Variants in PKHD1L1 observed in about 807,000 individuals in gnomAD.
The protein encoded by PKHD1L1 is fibrocystin-L.
Under a neutral mutation model 462.9 loss-of-function variants are expected in PKHD1L1, and 434 were observed. The ratio of observed to expected loss-of-function variants is 0.94; its 90% confidence interval spans 0.87 to 1.02. The LOEUF is 1.02. PKHD1L1 is among the 50% of genes least tolerant of loss of function. The pLI is 0.00. For synonymous variants in PKHD1L1, 1,781 were observed against 1,750.0 expected (o/e 1.02, Z -0.44); for missense variants, 5,202 against 5,096.1 (o/e 1.02, Z -0.63).
chr8:109,471,054 C>G, intron 50 of PKHD1L1: 1 of 1,587,840 alleles, frequency 6.3e-7, no homozygotes. Flanking sequence ...ACACCTTCTG[C>G]GATGAAATCT....
chr8:109,443,969 C>T, intron 37 of PKHD1L1, 67 bp downstream of exon 37: 5 of 1,340,478 alleles, frequency 3.7e-6, no homozygotes, highest in African/African-American at 1.5e-5. Flanking sequence ...TTGACGATAA[C>T]CTTGTTATTT....
rs1314670625 is a variant in PKHD1L1, at chr8:109,493,689, A to G, written c.10265A>G (p.Gln3422Arg). The G allele has an allele frequency of 1.9e-6, 3 of 1,608,812 alleles. No individual in the cohort carries two copies. The highest frequency in any genetic ancestry group is 1.7e-4 in the Middle Eastern group (1 of 6,044). The change falls in exon 63 of 78, where the codon CAG (glutamine) becomes CGG (arginine). Residue 3422 changes from glutamine to arginine, a missense_variant. By Grantham distance (43) the Gln-to-Arg change is conservative. Around this residue, in one of 3 missense-constraint regions of PKHD1L1, gnomAD observed 4,497 missense variants for 4,336.8 expected, o/e 1.04. Transcript: ENST00000378402. ...EINRGTNTVLQNNVVAGFGRA... is the reference protein window; with the variant it reads ...EINRGTNTVLRNNVVAGFGRA... The stretch of plus-strand genomic sequence containing the variant: ...AATAGAGGGACCAATACAGTTTTAC[A>G]GAATAATGTAGTGGCTGGATTTGGA...
intron 12 of PKHD1L1, among the ~76,000 whole-genome samples, chr8:109,399,677 C>A (rs1371439929): frequency 6.6e-6 from 1 of 151,992 alleles, no homozygotes; most frequent in African/African-American, 2.4e-5. Flanking sequence ...ATAGTCAAGG[C>A]AAAGGTTTTG....
intron 21 of PKHD1L1, among the ~76,000 whole-genome samples, chr8:109,418,219 G>T (rs986935367): frequency 1.3e-5 from 2 of 151,928 alleles, no homozygotes; most frequent in African/African-American, 4.8e-5. Context: ...ACAGTTCTAC[G>T]CTGAGGCCCT....
rs1406004405 is a variant in PKHD1L1 at position 109,435,367 on chromosome 8, AG to A, written c.3505+14del. On this transcript the variant is annotated intron_variant, in intron 29 of 77. Transcript: ENST00000378402. ...GGAAGCATAGCAGGTAATGGTTAAT[AG>A]TTTAAACAGAGAGAAAATTGCATGC... The A allele has an allele frequency of 1.9e-6, 3 of 1,599,896 alleles. No individual in the cohort carries two copies. The highest frequency in any genetic ancestry group is 2.6e-6 in the Non-Finnish European group (3 of 1,169,880).
At chr8:109,388,469 A>AT (rs66889268) in intron 6 of PKHD1L1, 28 bp from the exon 7 acceptor site, 474,725 of 1,448,848 alleles carry the variant, frequency 0.33, 81,066 homozygotes, top group Admixed American at 0.49. Context: ...ACATAACTTG[A>AT]TTTTTTCTAA....
In PKHD1L1 at chr8:109,530,562, C is replaced by T. The variant is rs184561104; in HGVS notation, c.*472C>T. Among the ~76,000 whole-genome samples the T allele has an allele frequency of 5.3e-5, 8 of 152,038 alleles. No homozygotes were observed. The highest frequency in any genetic ancestry group is 4.2e-4 in the South Asian group (2 of 4,812). ...CTAGTTTCTAAGGATTTTGGAGAGA[C>T]GAGATTGTCTTCACACAATCTGAGA... On this transcript the variant is annotated 3_prime_UTR_variant, in exon 78 of 78. Coordinates refer to ENST00000378402, the MANE Select transcript of PKHD1L1 (RefSeq NM_177531.6).
chr8:109,472,147 T>C (rs1351177929), intron 50 of PKHD1L1, among the ~76,000 whole-genome samples: 2 of 152,150 alleles, frequency 1.3e-5, no homozygotes, highest in Non-Finnish European at 2.9e-5. Context: ...CATCATATTG[T>C]AGTTTAAAAG....
In PKHD1L1 at chr8:109,440,796, T is replaced by C; in HGVS notation, c.4043T>C (p.Ile1348Thr). 1 of 1,613,172 alleles carries C rather than the reference T, an allele frequency of 6.2e-7. No homozygotes were observed. The highest frequency in any genetic ancestry group is 8.5e-7 in the Non-Finnish European group (1 of 1,179,344). Residue 1348 changes from isoleucine to threonine, a missense_variant, in exon 33 of 78, where the codon ATC becomes ACC. Coordinates refer to ENST00000378402, the MANE Select transcript of PKHD1L1 (RefSeq NM_177531.6). ...GGCTCCTTGTTTGGTGGAACTGAAATCACCATAAGGGGTTTTGGATTCAGC... is the reference window on the plus strand; with the variant it reads ...GGCTCCTTGTTTGGTGGAACTGAAACCACCATAAGGGGTTTTGGATTCAGC... ...QRGSLFGGTE[I>T]TIRGFGFSTI...
At chr8:109,517,920 T>C (rs1190016725) in intron 72 of PKHD1L1, among the ~76,000 whole-genome samples, 2 of 152,180 alleles carry the variant, frequency 1.3e-5, no homozygotes, top group African/African-American at 2.4e-5. Context: ...ACTGTGTCTA[T>C]ATAGCTAATT....
intron 73 of PKHD1L1, among the ~76,000 whole-genome samples, chr8:109,519,844 C>T (rs951108572): frequency 6.6e-6 from 1 of 152,078 alleles, no homozygotes. Context: ...ACTGCAGCCC[C>T]ACTAGGTTGG....
chr8:109,405,687 G>A (rs893004215), intron 16 of PKHD1L1, among the ~76,000 whole-genome samples: 8 of 151,870 alleles, frequency 5.3e-5, no homozygotes, highest in African/African-American at 1.9e-4. Context: ...GGGCCTGTTG[G>A]GGGGTGGGGT....
At chr8:109,375,364 G>C (rs527852554) in intron 2 of PKHD1L1, among the ~76,000 whole-genome samples, 1 of 152,178 alleles carries the variant, frequency 6.6e-6, no homozygotes, top group Non-Finnish European at 1.5e-5. Flanking sequence ...GGTCCTTTAA[G>C]GACTTCTCTG....
At chr8:109,411,287 C>A (rs182431244) in intron 19 of PKHD1L1, among the ~76,000 whole-genome samples, 66 of 152,080 alleles carry the variant, frequency 4.3e-4, no homozygotes, top group Admixed American at 9.2e-4. Flanking sequence ...CTTCAGGAAG[C>A]CAGCTATTTG....
In PKHD1L1 at chr8:109,510,860, T is replaced by G; in HGVS notation, c.11479T>G (p.Ser3827Ala). The change falls in exon 71 of 78, where the codon TCT (serine) becomes GCT (alanine). Residue 3827 changes from serine (S) to alanine (A), a missense_variant. This residue lies in a region of PKHD1L1 where 698 missense variants were observed against 736.3 expected (regional missense o/e 0.95). Coordinates refer to ENST00000378402, the MANE Select transcript of PKHD1L1 (RefSeq NM_177531.6). ...TCACAGCATTGTGGCTCTGAACAAA[T>G]CTTATGAAGTTTACTTCACTGGCAC... ...LFHSIVALNK[S>A]YEVYFTGTSP... 1.2e-6 allele frequency: 2 copies of G among 1,613,358 alleles called. No homozygotes were observed. Among genetic ancestry groups the G allele is most frequent in the Non-Finnish European group, 1.7e-6 (2 of 1,179,502 alleles).
intron 14 of PKHD1L1, among the ~76,000 whole-genome samples, chr8:109,402,261 G>A (rs992082441): frequency 6.6e-6 from 1 of 152,172 alleles, no homozygotes; most frequent in Non-Finnish European, 1.5e-5. Flanking sequence ...GCATCTGCTA[G>A]ACTTTACTAT....
intron 2 of PKHD1L1, among the ~76,000 whole-genome samples, chr8:109,370,632 A>G (rs1000713752): frequency 6.6e-6 from 1 of 152,066 alleles, no homozygotes; most frequent in African/African-American, 2.4e-5. Flanking sequence ...AGCATTAGGT[A>G]TATCTACTAA....
intron 76 of PKHD1L1, 108 bp downstream of exon 76, chr8:109,523,494 G>C: frequency 8.9e-7 from 1 of 1,119,940 alleles, no homozygotes. Context: ...ATAAATTATA[G>C]ACATCAGAAT....
chr8:109,405,006 G>A lies in PKHD1L1; in HGVS notation c.1545G>A (p.Leu515=), dbSNP rs983768218. ...TILQEVQVIT[L]ENWETTNAIN... is the part of the protein sequence containing the mutation. The stretch of plus-strand genomic sequence containing the variant: ...TAATTGGAAAATAGGTTATAACATT[G>A]GAAAACTGGGAAACAACTAATGCAA... Residue 515 remains leucine, a synonymous_variant, in exon 16 of 78, where the codon TTG becomes TTA. Coordinates refer to ENST00000378402, the MANE Select transcript of PKHD1L1 (RefSeq NM_177531.6). 6.7e-7 allele frequency: 1 copy of A among 1,500,650 alleles called. No homozygotes were observed. The highest frequency in any genetic ancestry group is 1.4e-5 in the African/African-American group (1 of 70,938). The allele number at this position is 1,500,650 out of a possible 1,614,324, so 93.0% of individuals were successfully genotyped here.
Sources: gnomAD v4.1 joint callset for allele counts (sites outside exome capture counted in the v4.1 genomes callset) on GRCh38, gnomAD v4.1.1 for gene constraint, gnomAD v4.1.1 regional missense constraint, MANE v1.5 for transcripts, NCBI Gene and HGNC (gene_info 2026-07-23, HGNC 2026-07-21) for gene names.